EFR3B: variants seen among roughly 807,000 people sequenced by gnomAD.
EFR3B encodes the protein EFR3 homolog B.
EFR3B carries 64 observed loss-of-function variants against 104.7 expected under a neutral mutation model. That is an observed-to-expected ratio of 0.61 (90% confidence interval 0.50 to 0.75). The LOEUF is 0.75. Among genes scored for constraint, EFR3B ranks in the 30% least tolerant of loss-of-function variants. EFR3B has a pLI of 0.00. For missense variants in EFR3B, 750 were observed against 1,078.5 expected (o/e 0.70, Z 4.27); for synonymous variants, 385 against 417.9 (o/e 0.92, Z 0.96).
rs560569104 is a variant in EFR3B, at chr2:25,087,773, A to G, written c.8-3552A>G. ...CAGGCTTGAGCCACCGTGCCCAGCC[A>G]AAGAGCAGGAATTTTTAATCTTCAT... is the stretch of plus-strand genomic sequence containing the variant. On this transcript the variant is annotated intron_variant, in intron 1 of 22. Transcript: ENST00000403714. 7.2e-5 allele frequency among the ~76,000 whole-genome samples: 11 copies of G among 152,290 alleles called. No individual in the cohort carries two copies. The South Asian group carries it at 2.3e-3, about 32-fold the overall frequency.
chr2:25,129,727 GAAATCTTTAAGGATTTCCAGAAA>G (rs1448510223), intron 6 of EFR3B, among the ~76,000 whole-genome samples: 16 of 152,226 alleles, frequency 1.1e-4, no homozygotes, highest in South Asian at 8.3e-4. Flanking sequence ...GGTACATCTG[GAAATCTTTAAGGATTTCCAGAAA>G]AAGAACTTTA....
chr2:25,043,482 C>T (rs1252399720), intron 1 of EFR3B, among the ~76,000 whole-genome samples: 1 of 152,192 alleles, frequency 6.6e-6, no homozygotes, highest in Admixed American at 6.5e-5. Context: ...GGTGGGCCCC[C>T]CTACTGAGAG....
intron 1 of EFR3B, among the ~76,000 whole-genome samples, chr2:25,060,056 G>A (rs1323476080): frequency 2.6e-5 from 4 of 151,622 alleles, no homozygotes; most frequent in Non-Finnish European, 5.9e-5. Flanking sequence ...AATTAGCCAG[G>A]TGTGGTGGCG....
At chr2:25,070,860 T>C (rs2149174356) in intron 1 of EFR3B, among the ~76,000 whole-genome samples, 1 of 152,288 alleles carries the variant, frequency 6.6e-6, no homozygotes, top group Non-Finnish European at 1.5e-5. Context: ...GGTGAAGATA[T>C]CCATTCGGAT....
chr2:25,082,267 C>T (rs483428), intron 1 of EFR3B, among the ~76,000 whole-genome samples: 54,933 of 152,138 alleles, frequency 0.36, 12,168 homozygotes, highest in Admixed American at 0.53. Context: ...GCCAGGATTG[C>T]GGCCACAGGC....
chr2:25,122,640 C>T (rs1040102854), intron 5 of EFR3B, among the ~76,000 whole-genome samples: 7 of 152,108 alleles, frequency 4.6e-5, no homozygotes, highest in African/African-American at 1.7e-4. Context: ...CTCCAGGGAT[C>T]TGCATGGCTC....
intron 4 of EFR3B, 139 bp downstream of exon 4, chr2:25,103,926 T>A: frequency 1.0e-6 from 1 of 979,336 alleles, no homozygotes; most frequent in Non-Finnish European, 1.4e-6. Context: ...ACTGCTTGTT[T>A]TAGGGTCTCC....
intron 1 of EFR3B, among the ~76,000 whole-genome samples, chr2:25,073,569 C>A (rs1338208517): frequency 6.6e-6 from 1 of 152,056 alleles, no homozygotes; most frequent in Non-Finnish European, 1.5e-5. Flanking sequence ...GTTTCCCAGG[C>A]TGGTCTTGAA....
chr2:25,061,103 G>C, intron 1 of EFR3B, among the ~76,000 whole-genome samples: 1 of 151,856 alleles, frequency 6.6e-6, no homozygotes, highest in East Asian at 1.9e-4. Context: ...AGCCACAGGG[G>C]TTGGCACCTT....
At chr2:25,081,784 T>C in intron 1 of EFR3B, 1 of 384,972 alleles carries the variant, frequency 2.6e-6, no homozygotes, top group Admixed American at 4.4e-5. Context: ...GAGACTGGAG[T>C]GGCAATGAAG....
At chr2:25,101,934 T>C (rs184459321) in intron 3 of EFR3B, among the ~76,000 whole-genome samples, 1 of 152,302 alleles carries the variant, frequency 6.6e-6, no homozygotes, top group East Asian at 1.9e-4. Context: ...ACAAAACCTC[T>C]CTTTCTTTAG....
At chr2:25,070,511 C>A (rs1328918894) in intron 1 of EFR3B, among the ~76,000 whole-genome samples, 1 of 152,178 alleles carries the variant, frequency 6.6e-6, no homozygotes, top group African/African-American at 2.4e-5. Context: ...GATCCACCTG[C>A]CTCAGCCTCC....
chr2:25,142,767 TAATAATAATA>T, intron 17 of EFR3B, among the ~76,000 whole-genome samples: 1 of 110,488 alleles, frequency 9.1e-6, no homozygotes, highest in African/African-American at 3.4e-5. Context: ...TAAGAAATAA[TAATAATAATA>T]AATAAATAAA....
At chr2:25,065,464 T>A (rs1006938007) in intron 1 of EFR3B, among the ~76,000 whole-genome samples, 5 of 151,744 alleles carry the variant, frequency 3.3e-5, no homozygotes, top group African/African-American at 1.2e-4. Flanking sequence ...GTGCTGAGAT[T>A]ACAGGTGTCA....
At chr2:25,143,663 A>G (rs1670736887) in intron 17 of EFR3B, 72 bp from the exon 18 acceptor site, 1 of 1,531,896 alleles carries the variant, frequency 6.5e-7, no homozygotes, top group East Asian at 2.5e-5. Context: ...CCTGTCTTAA[A>G]AAAAAAAATT....
chr2:25,148,762 A>C (rs1670916410), intron 19 of EFR3B, among the ~76,000 whole-genome samples: 1 of 150,280 alleles, frequency 6.7e-6, no homozygotes, highest in South Asian at 2.1e-4. Context: ...CTCTACTAAA[A>C]ATACAAAAAA....
chr2:25,115,549 G>C (rs1378417286), intron 4 of EFR3B, among the ~76,000 whole-genome samples: 1 of 152,192 alleles, frequency 6.6e-6, no homozygotes, highest in Non-Finnish European at 1.5e-5. Flanking sequence ...TGCGTCAATA[G>C]GTGTCTCCAT....
intron 20 of EFR3B, 136 bp from the exon 21 acceptor site, chr2:25,151,778 C>A: frequency 2.2e-6 from 2 of 916,468 alleles, no homozygotes; most frequent in Non-Finnish European, 3.2e-6. Flanking sequence ...GGGCACCGCA[C>A]CTCCACGCCA....
chr2:25,052,111 AC>A (rs1367140686), intron 1 of EFR3B, among the ~76,000 whole-genome samples: 2 of 151,476 alleles, frequency 1.3e-5, no homozygotes, highest in East Asian at 4.0e-4. Context: ...CAGGAGAATC[AC>A]CTGAACCCGG....
Sources: gnomAD v4.1 joint callset for allele counts (sites outside exome capture counted in the v4.1 genomes callset) on GRCh38, gnomAD v4.1.1 for gene constraint, MANE v1.5 for transcripts, NCBI Gene and HGNC (gene_info 2026-07-23, HGNC 2026-07-21) for gene names.